The following NOP53 variants were observed in gnomAD, a reference collection of about 807,000 sequenced individuals.
NOP53 encodes ribosome biogenesis protein NOP53.
A neutral mutation model predicts 61.0 loss-of-function variants in NOP53; 40 were observed. The observed-to-expected ratio is 0.66, with a 90% confidence interval of 0.51 to 0.85. NOP53 has a LOEUF of 0.85. Among genes scored for constraint, NOP53 ranks in the 40% least tolerant of loss-of-function variants. The pLI, the probability that NOP53 is intolerant of heterozygous loss-of-function variation, is 0.00. For synonymous variants in NOP53, 308 were observed against 289.5 expected, an observed-to-expected ratio of 1.06 and a Z score of -0.65; for missense variants, 689 against 652.9, an observed-to-expected ratio of 1.06 and a Z score of -0.60.
rs1479485461 is a variant in NOP53, at chr19:47,754,684, C to T, written c.871-25C>T. The T allele has an allele frequency of 1.9e-6, 3 of 1,539,970 alleles. No homozygotes were observed. Among genetic ancestry groups the T allele is most frequent in the Non-Finnish European group, 1.8e-6 (2 of 1,140,200 alleles). ...CCCTCCCCGGGCCTCCTACCCACCCCTGACACTGCACCCCGCCTCCCCAGG... is the reference window on the plus strand; with the variant it reads ...CCCTCCCCGGGCCTCCTACCCACCCTTGACACTGCACCCCGCCTCCCCAGG... On this transcript the variant is annotated intron_variant, in intron 7 of 12. Transcript: ENST00000246802. This position sits in a 1 kb window ranked among gnomAD's most constrained non-coding sequence, Gnocchi z 4.2.
At chr19:47,745,809 G>T (rs986662440) in intron 1 of NOP53, 26 bp downstream of exon 1, 8 of 1,472,514 alleles carry the variant, frequency 5.4e-6, no homozygotes, top group African/African-American at 1.4e-5. Context: ...CTTCCGGGAG[G>T]TGGGACGGTT....
chr19:47,747,563 A>G (rs1256081260), intron 2 of NOP53, among the ~76,000 whole-genome samples: 1 of 151,570 alleles, frequency 6.6e-6, no homozygotes, highest in Admixed American at 6.6e-5. Flanking sequence ...AATCACTTGA[A>G]CCTGGGAGGT....
chr19:47,755,161 A>T (rs775907720), intron 8 of NOP53, among the ~76,000 whole-genome samples, 187 bp from the exon 9 acceptor site: 2 of 151,826 alleles, frequency 1.3e-5, no homozygotes, highest in Non-Finnish European at 1.5e-5. Context: ...ACCAGGGGAG[A>T]TGGATGACAA....
rs1320024388 is a variant in NOP53, at chr19:47,745,706, G to A, written c.147G>A (p.Arg49=). ...RGPRNKKRGW[R]RLAQEPLGLE... is the part of the protein sequence containing the mutation. ...CAAGAAATAAGAAGCGGGGCTGGCG[G>A]CGGCTTGCTCAGGAGCCGCTGGGGC... The change falls in exon 1 of 13, where the codon CGG becomes CGA. Residue 49 remains arginine (R), a synonymous_variant. Transcript: ENST00000246802. 15 of 1,612,038 alleles carry A rather than the reference G, an allele frequency of 9.3e-6. No homozygotes were observed. The highest frequency in any genetic ancestry group is 1.1e-5 in the Non-Finnish European group (13 of 1,179,194).
rs1967171553 is a variant in NOP53, at chr19:47,754,950, C to T, written c.1053+59C>T. The T allele has an allele frequency of 2.1e-6, 3 of 1,423,312 alleles. No homozygotes were observed. The highest frequency in any genetic ancestry group is 2.8e-6 in the Non-Finnish European group (3 of 1,082,626). The allele number at this position is 1,423,312 out of a possible 1,614,324, so 88.2% of individuals were successfully genotyped here. A position where few individuals can be genotyped will look rare whatever the true frequency, so the allele number is the denominator to read the frequency against. ...TGCCTCGCCCCCTTCCTTCCTTCCT[C>T]CCACCATGGGCTGCCCTGGGTGCTG... On this transcript the variant is annotated intron_variant, in intron 8 of 12. Coordinates refer to ENST00000246802, the MANE Select transcript of NOP53 (RefSeq NM_015710.5). The surrounding 1 kb of genome is among the most constrained non-coding windows in gnomAD (Gnocchi z 4.2).
chr19:47,755,638 T>A, intron 9 of NOP53, 115 bp downstream of exon 9: 1 of 1,271,508 alleles, frequency 7.9e-7, no homozygotes, highest in Non-Finnish European at 1.1e-6. Context: ...GGAGACCACC[T>A]CTTCCCCCAC....
chr19:47,754,905 C>A lies in NOP53; in HGVS notation c.1053+14C>A, dbSNP rs1317143793. The A allele has an allele frequency of 6.7e-7, 1 of 1,491,286 alleles. No individual in the cohort carries two copies. Among genetic ancestry groups the A allele is most frequent in the East Asian group, 2.5e-5 (1 of 40,416 alleles). 92.4% of individuals were successfully genotyped at this position (1,491,286 alleles called of 1,614,324 possible). On this transcript the variant is annotated intron_variant, in intron 8 of 12. Transcript: ENST00000246802. This position sits in a 1 kb window ranked among gnomAD's most constrained non-coding sequence, Gnocchi z 4.2. ...GTGCACAGGCTGGTGAGCGCCTGGG[C>A]CAGCGGGGCCTGCCTCTGATGCCTC...
At chr19:47,749,329 A>G (rs935824588) in intron 2 of NOP53, among the ~76,000 whole-genome samples, 1 of 152,178 alleles carries the variant, frequency 6.6e-6, no homozygotes, top group Non-Finnish European at 1.5e-5. Context: ...GGGGCAGGAA[A>G]GAGGCAGTTT....
At chr19:47,748,933 G>A (rs912985611) in intron 2 of NOP53, among the ~76,000 whole-genome samples, 12 of 152,200 alleles carry the variant, frequency 7.9e-5, no homozygotes, top group Admixed American at 6.5e-4. Flanking sequence ...AGGCTGATGC[G>A]GGTGGATCAC....
chr19:47,746,839 CGAA>C, intron 1 of NOP53, 125 bp from the exon 2 acceptor site: 5 of 731,774 alleles, frequency 6.8e-6, no homozygotes, highest in Non-Finnish European at 1.2e-5. Flanking sequence ...AACTGCTGGG[CGAA>C]GCCTTAGCCT....
chr19:47,751,190 A>G (rs1967121126), intron 4 of NOP53, 83 bp downstream of exon 4: 4 of 1,288,472 alleles, frequency 3.1e-6, no homozygotes, highest in Non-Finnish European at 3.3e-6. Context: ...ACGAGAGTAC[A>G]GTGTGAAAGG....
intron 2 of NOP53, 96 bp from the exon 3 acceptor site, chr19:47,750,082 T>G: frequency 1.4e-6 from 1 of 735,760 alleles, no homozygotes; most frequent in Non-Finnish European, 2.4e-6. Context: ...TGACTTGGGA[T>G]TCAGGTCTGA....
intron 2 of NOP53, among the ~76,000 whole-genome samples, chr19:47,747,252 C>T (rs1354452641): frequency 6.6e-6 from 1 of 152,090 alleles, no homozygotes; most frequent in Non-Finnish European, 1.5e-5. Flanking sequence ...GATCTCCATG[C>T]ACAGATAAGC....
Position 47,756,730 on chromosome 19 carries a change from G to A in NOP53, c.1416G>A (p.Ala472=), listed in dbSNP as rs765478817. The change falls in exon 12 of 13, where the codon GCG becomes GCA. Residue 472 remains alanine (A), a synonymous_variant. Transcript: ENST00000246802. ...KYKVKLVEKR[A]FREIQL is the part of the protein sequence containing the mutation. ...AGGTGAAGCTGGTGGAGAAGCGGGC[G>A]TTCCGTGAGATCCAGTGAGTCCACC... 4.5e-5 allele frequency: 73 copies of A among 1,613,384 alleles called. No individual in the cohort carries two copies. Among genetic ancestry groups the A allele is most frequent in the Non-Finnish European group, 5.8e-5 (69 of 1,179,998 alleles).
At position 47,754,759 on chromosome 19, in the gene NOP53, T is replaced by C; in HGVS notation, c.921T>C (p.Gly307=). 2 of 1,526,028 alleles carry C rather than the reference T, an allele frequency of 1.3e-6. No individual in the cohort carries two copies. Among genetic ancestry groups the C allele is most frequent in the Non-Finnish European group, 1.8e-6 (2 of 1,133,464 alleles). The allele number at this position is 1,526,028 out of a possible 1,614,324, so 94.5% of individuals were successfully genotyped here. The change falls in exon 8 of 13, where the codon GGT becomes GGC. Residue 307 remains glycine (G), a synonymous_variant. Transcript: ENST00000246802. The surrounding 1 kb of genome is among the most constrained non-coding windows in gnomAD (Gnocchi z 4.2). ...LCEGLLEESD[G]EGEPGQGEGP... ...AGGGGCTGCTGGAGGAGTCGGATGGTGAGGGGGAGCCAGGCCAGGGCGAGG... is the reference window on the plus strand; with the variant it reads ...AGGGGCTGCTGGAGGAGTCGGATGGCGAGGGGGAGCCAGGCCAGGGCGAGG...
Position 47,750,082 on chromosome 19 carries a change from T to C in NOP53, c.290-96T>C, listed in dbSNP as rs1003995838. ...CCAAGTCTCCTGGGGTGACTTGGGA[T>C]TCAGGTCTGATGGCTCCCATGGAGG... On this transcript the variant is annotated intron_variant, in intron 2 of 12. Coordinates refer to ENST00000246802, the MANE Select transcript of NOP53 (RefSeq NM_015710.5). The C allele has an allele frequency of 2.2e-5, 16 of 735,642 alleles. No individual in the cohort carries two copies. The Admixed American group carries it at 2.6e-4, about 12-fold the overall frequency. The allele number at this position is 735,642 out of a possible 1,614,324, so 45.6% of individuals were successfully genotyped here.
chr19:47,748,141 T>C (rs1967086216), intron 2 of NOP53, among the ~76,000 whole-genome samples: 1 of 151,996 alleles, frequency 6.6e-6, no homozygotes, highest in African/African-American at 2.4e-5. Flanking sequence ...GCTAGGCTGG[T>C]CTCAAACTCC....
intron 9 of NOP53, 94 bp from the exon 10 acceptor site, chr19:47,755,662 C>G: frequency 7.3e-7 from 1 of 1,365,678 alleles, no homozygotes; most frequent in Non-Finnish European, 1.0e-6. Context: ...ACCCCACATT[C>G]TCAGAGGCCC....
Position 47,745,750 on chromosome 19 carries a change from TG to T in NOP53, c.193del (p.Glu65LysfsTer34). 1 of 1,593,166 alleles carries T rather than the reference TG, an allele frequency of 6.3e-7. No individual in the cohort carries two copies. Among genetic ancestry groups the T allele is most frequent in the Non-Finnish European group, 8.5e-7 (1 of 1,169,742 alleles). ...CTGGGGCTGGAGGTTGACCAGTTCCTGGAAGACGTGCGGCTACAGGAGCGCA... is the reference window on the plus strand; with the variant it reads ...CTGGGGCTGGAGGTTGACCAGTTCCTGAAGACGTGCGGCTACAGGAGCGCA... ...EPLGLEVDQF[L>X]EDVRLQERTS... is the part of the protein sequence containing the mutation. On this transcript the variant is annotated frameshift_variant, in exon 1 of 13. Transcript: ENST00000246802. LOFTEE classifies it high-confidence loss of function.
Sources: gnomAD v4.1 joint callset for allele counts (sites outside exome capture counted in the v4.1 genomes callset) on GRCh38, gnomAD v4.1.1 for gene constraint, Gnocchi (gnomAD v3.1) non-coding constraint, MANE v1.5 for transcripts, NCBI Gene and HGNC (gene_info 2026-07-23, HGNC 2026-07-21) for gene names.